SLC1A2: variants seen among roughly 807,000 people sequenced by gnomAD.
SLC1A2 encodes the protein solute carrier family 1 member 2.
A neutral mutation model predicts 48.8 loss-of-function variants in SLC1A2; 15 were observed. The observed-to-expected ratio is 0.31, with a 90% CI of 0.21 to 0.47. The LOEUF is 0.47. SLC1A2 is among the 20% of genes least tolerant of loss of function. SLC1A2 has a pLI of 0.99. For synonymous variants in SLC1A2, 279 were observed against 272.6 expected (o/e 1.02, Z -0.23); for missense variants, 502 against 730.5 (o/e 0.69, Z 3.61).
chr11:35,419,414 G>C lies in SLC1A2; in HGVS notation c.-448C>G, dbSNP rs1855716287. 5.2e-6 allele frequency: 1 copy of C among 193,114 alleles called. No homozygotes were observed. The allele number at this position is 193,114 out of a possible 1,614,324, so 12.0% of individuals were successfully genotyped here. On this transcript the variant is annotated 5_prime_UTR_variant, in exon 1 of 11. Transcript: ENST00000278379. This position sits in a 1 kb window ranked among gnomAD's most constrained non-coding sequence, Gnocchi z 5.4. ...ACGGTGAGCGTGCGTGCGCGTGTGC[G>C]GGTGTGTGCGCGCCTGGGGAGGCGG...
intron 1 of SLC1A2, among the ~76,000 whole-genome samples, chr11:35,416,371 C>T (rs972914828): frequency 6.6e-6 from 1 of 152,210 alleles, no homozygotes; most frequent in Non-Finnish European, 1.5e-5. Context: ...AGATGGTATT[C>T]CCTATATATA....
intron 1 of SLC1A2, among the ~76,000 whole-genome samples, chr11:35,359,236 C>A (rs369483089): frequency 4.7e-4 from 71 of 152,282 alleles, no homozygotes; most frequent in African/African-American, 1.4e-3. Context: ...TGGCTGAAGA[C>A]ACTAACATTA....
chr11:35,402,307 A>G (rs965959560), intron 1 of SLC1A2, among the ~76,000 whole-genome samples: 1 of 152,104 alleles, frequency 6.6e-6, no homozygotes, highest in African/African-American at 2.4e-5. Context: ...TTAATCACCA[A>G]TGGTCAATGA....
At chr11:35,308,061 G>T (rs1407138276) in intron 4 of SLC1A2, among the ~76,000 whole-genome samples, 1 of 152,186 alleles carries the variant, frequency 6.6e-6, no homozygotes, top group Non-Finnish European at 1.5e-5. Flanking sequence ...GGGAACCAAA[G>T]CCAACTGTCA....
At chr11:35,341,496 A>T (rs912614462) in intron 1 of SLC1A2, among the ~76,000 whole-genome samples, 36 of 152,336 alleles carry the variant, frequency 2.4e-4, no homozygotes, top group African/African-American at 4.3e-4. Context: ...ATATTTTTTT[A>T]AAAAAACCTA....
chr11:35,406,863 C>T (rs892560906), intron 1 of SLC1A2, among the ~76,000 whole-genome samples: 5 of 152,128 alleles, frequency 3.3e-5, no homozygotes, highest in Admixed American at 2.6e-4. Context: ...GAAAAAAGGC[C>T]TGAAATAGAA....
intron 9 of SLC1A2, among the ~76,000 whole-genome samples, chr11:35,269,494 G>A (rs1239040107): frequency 8.5e-5 from 13 of 152,122 alleles, no homozygotes; most frequent in Non-Finnish European, 1.9e-4. Flanking sequence ...CACACACCAT[G>A]TTATGAACAA....
At chr11:35,365,806 C>T (rs1011988137) in intron 1 of SLC1A2, among the ~76,000 whole-genome samples, 27 of 152,280 alleles carry the variant, frequency 1.8e-4, no homozygotes, top group South Asian at 1.5e-3. Flanking sequence ...TATTTCAGTT[C>T]CTTGGGAATT....
At chr11:35,418,913 C>T in intron 1 of SLC1A2, 37 bp downstream of exon 1, 1 of 1,548,676 alleles carries the variant, frequency 6.5e-7, no homozygotes, top group Non-Finnish European at 8.7e-7. Context: ...CGCGCGTGAC[C>T]CCGCTTTCCC....
chr11:35,329,745 C>CT (rs1281700431), intron 1 of SLC1A2, among the ~76,000 whole-genome samples: 1 of 152,204 alleles, frequency 6.6e-6, no homozygotes, highest in African/African-American at 2.4e-5. Context: ...CACTTCTACT[C>CT]TAACCATCCC....
chr11:35,306,028 C>T (rs766277014), intron 5 of SLC1A2, 46 bp downstream of exon 5: 9 of 1,584,380 alleles, frequency 5.7e-6, no homozygotes, highest in South Asian at 2.2e-5. Context: ...CAGGATAGCC[C>T]AGCCATTGCC....
intron 1 of SLC1A2, among the ~76,000 whole-genome samples, chr11:35,383,579 T>A (rs1486177883): frequency 6.6e-6 from 1 of 152,178 alleles, no homozygotes; most frequent in African/African-American, 2.4e-5. Context: ...AGTTTCCCTG[T>A]CTATAAAACA....
intron 1 of SLC1A2, among the ~76,000 whole-genome samples, chr11:35,324,213 A>G (rs1852165537): frequency 6.6e-6 from 1 of 152,276 alleles, no homozygotes; most frequent in Non-Finnish European, 1.5e-5. Flanking sequence ...GAAGCTGCAA[A>G]GACAAAGTAG....
intron 1 of SLC1A2, among the ~76,000 whole-genome samples, chr11:35,411,351 T>G (rs1855454510): frequency 6.6e-6 from 1 of 152,254 alleles, no homozygotes; most frequent in African/African-American, 2.4e-5. Context: ...ACCATCCATT[T>G]CACTCTTGAA....
At chr11:35,293,305 C>T (rs1851068992) in intron 6 of SLC1A2, among the ~76,000 whole-genome samples, 1 of 152,220 alleles carries the variant, frequency 6.6e-6, no homozygotes, top group South Asian at 2.1e-4. Flanking sequence ...GTCTGTGAAA[C>T]TCCCAACTGG....
intron 6 of SLC1A2, among the ~76,000 whole-genome samples, chr11:35,295,199 C>G (rs1166683614): frequency 6.6e-6 from 1 of 152,018 alleles, no homozygotes; most frequent in Non-Finnish European, 1.5e-5. Flanking sequence ...AGGTGTTTGC[C>G]ACCATTCTCA....
intron 1 of SLC1A2, among the ~76,000 whole-genome samples, chr11:35,388,271 T>G (rs1345581880): frequency 1.3e-5 from 2 of 152,262 alleles, no homozygotes; most frequent in East Asian, 3.8e-4. Flanking sequence ...TTCATCCCAT[T>G]GCTAAAGAGC....
chr11:35,400,483 AT>A (rs746404421), intron 1 of SLC1A2, among the ~76,000 whole-genome samples: 8 of 152,282 alleles, frequency 5.3e-5, no homozygotes, highest in Non-Finnish European at 1.0e-4. Context: ...TGTTAAAGGC[AT>A]TTATTCCTGG....
intron 1 of SLC1A2, among the ~76,000 whole-genome samples, chr11:35,395,511 C>A (rs1854923781): frequency 6.6e-6 from 1 of 151,876 alleles, no homozygotes; most frequent in Non-Finnish European, 1.5e-5. Context: ...GAAGGAGAGG[C>A]CCATGGGGAG....
Sources: allele counts gnomAD v4.1 joint callset (sites outside exome capture counted in the v4.1 genomes callset), GRCh38; gene constraint gnomAD v4.1.1; non-coding constraint Gnocchi (gnomAD v3.1); transcripts MANE v1.5; gene names NCBI Gene and HGNC (gene_info 2026-07-23, HGNC 2026-07-21).